Variants in PHKB observed in about 807,000 individuals in gnomAD.
The protein encoded by PHKB is phosphorylase b kinase regulatory subunit beta.
In PHKB, 122 loss-of-function variants were observed where a neutral mutation model predicts 152.1. That is an observed-to-expected ratio of 0.80 (90% CI 0.69 to 0.93). The LOEUF (loss-of-function observed/expected upper bound fraction) is 0.93, where lower values mean the gene tolerates loss of function less well. Among genes scored for constraint, PHKB ranks in the 40% least tolerant of loss-of-function variants. The pLI, the probability that PHKB is intolerant of heterozygous loss-of-function variation, is 0.00. For synonymous variants in PHKB, 436 were observed against 464.9 expected, an observed-to-expected ratio of 0.94 and a Z score of 0.80; for missense variants, 1,304 against 1,328.4, an observed-to-expected ratio of 0.98 and a Z score of 0.29.
At chr16:47,611,041 C>T in intron 14 of PHKB, 121 bp downstream of exon 14, 2 of 714,584 alleles carry the variant, frequency 2.8e-6, no homozygotes, top group South Asian at 3.0e-5. Flanking sequence ...GTTTCTCCCT[C>T]TTCTGGTTAG....
At chr16:47,604,308 A>G (rs559334876) in intron 13 of PHKB, among the ~76,000 whole-genome samples, 1 of 152,262 alleles carries the variant, frequency 6.6e-6, no homozygotes, top group African/African-American at 2.4e-5. Context: ...TCATGAGCAG[A>G]AGTTAAAATC....
intron 13 of PHKB, among the ~76,000 whole-genome samples, chr16:47,605,109 C>T (rs1972299093): frequency 6.6e-6 from 1 of 152,184 alleles, no homozygotes; most frequent in Non-Finnish European, 1.5e-5. Flanking sequence ...ATATTTCTCA[C>T]ATTTACCATT....
intron 6 of PHKB, among the ~76,000 whole-genome samples, chr16:47,532,723 C>T (rs190788776): frequency 6.6e-6 from 1 of 152,348 alleles, no homozygotes; most frequent in Non-Finnish European, 1.5e-5. Context: ...ACCACAGGAC[C>T]CCAAAGAGGG....
chr16:47,541,497 T>C lies in PHKB; in HGVS notation c.595-5936T>C, dbSNP rs1356271053. ...TTTATAGTAGCATGATTTATAATCC[T>C]TTGGGAATATACCCAGTAATGGGAT... On this transcript the variant is annotated intron_variant, in intron 6 of 30. Coordinates refer to ENST00000323584, the MANE Select transcript of PHKB (RefSeq NM_000293.3). Among the ~76,000 whole-genome samples the C allele has an allele frequency of 2.0e-5, 3 of 152,218 alleles. No individual in the cohort carries two copies. In the East Asian group the frequency reaches 5.8e-4, roughly 29 times the overall value.
At chr16:47,575,094 A>G (rs754789303) in intron 7 of PHKB, among the ~76,000 whole-genome samples, 17 of 152,238 alleles carry the variant, frequency 1.1e-4, no homozygotes, top group Non-Finnish European at 1.9e-4. Context: ...GCCAACAAGC[A>G]TGTGAAAAAA....
chr16:47,651,713 TAAATA>T lies in PHKB; in HGVS notation c.1971+794_1971+798del, dbSNP rs1973240773. 1.3e-5 allele frequency among the ~76,000 whole-genome samples: 2 copies of T among 152,226 alleles called. 1 individual carries two copies. The highest frequency in any genetic ancestry group is 1.3e-4 in the Admixed American group (2 of 15,278). Reference sequence around the variant, plus strand: ...CTTTCACATAGTAGGTGCTCAGTATTAAATAAGAAAGAGGAAAGTTTATAAAGAAA... The same window carrying T: ...CTTTCACATAGTAGGTGCTCAGTATTAGAAAGAGGAAAGTTTATAAAGAAA... On this transcript the variant is annotated intron_variant, in intron 20 of 30. Coordinates refer to ENST00000323584, the MANE Select transcript of PHKB (RefSeq NM_000293.3).
At chr16:47,620,827 T>C (rs1251702483) in intron 14 of PHKB, among the ~76,000 whole-genome samples, 1 of 151,982 alleles carries the variant, frequency 6.6e-6, no homozygotes, top group Non-Finnish European at 1.5e-5. Context: ...TGAGCCAAGA[T>C]TGTGCCACTG....
intron 25 of PHKB, among the ~76,000 whole-genome samples, chr16:47,667,289 G>A (rs556107016): frequency 2.0e-3 from 307 of 151,988 alleles, no homozygotes; most frequent in Middle Eastern, 0.017. Context: ...AAAAAAAATA[G>A]TTGGGCCTGG....
chr16:47,473,153 C>T lies in PHKB; in HGVS notation c.76+11727C>T, dbSNP rs544075651. 2.8e-5 allele frequency among the ~76,000 whole-genome samples: 4 copies of T among 144,982 alleles called. No homozygotes were observed. The East Asian group carries it at 8.3e-4, about 30-fold the overall frequency. ...GCACTGTCACAGTTCACTGCAGCCT[C>T]GGTCTCCTGTGCTCAAGCATTCCCT... On this transcript the variant is annotated intron_variant, in intron 1 of 30. Transcript: ENST00000323584.
At chr16:47,673,141 T>A (rs1279704194) in intron 26 of PHKB, among the ~76,000 whole-genome samples, 2 of 152,072 alleles carry the variant, frequency 1.3e-5, no homozygotes, top group East Asian at 3.9e-4. Flanking sequence ...TTTTTTTTTT[T>A]TTATTAAGGA....
chr16:47,517,919 T>G (rs1468818725), intron 6 of PHKB, among the ~76,000 whole-genome samples: 1 of 152,200 alleles, frequency 6.6e-6, no homozygotes, highest in Non-Finnish European at 1.5e-5. Flanking sequence ...TTCCTTGAGA[T>G]TCTGTATAAT....
chr16:47,665,940 A>G, intron 25 of PHKB: 1 of 1,611,100 alleles, frequency 6.2e-7, no homozygotes, highest in African/African-American at 1.3e-5. Flanking sequence ...CTTTGCCCCC[A>G]GGTCGGTTGT....
intron 23 of PHKB, 136 bp downstream of exon 23, chr16:47,661,936 T>C (rs757587551): frequency 6.4e-5 from 46 of 714,098 alleles, no homozygotes; most frequent in Non-Finnish European, 1.1e-4. Flanking sequence ...CACTTTTGAA[T>C]GGAAAATGTT....
chr16:47,502,850 A>G, intron 3 of PHKB, 141 bp from the exon 4 acceptor site: 2 of 668,604 alleles, frequency 3.0e-6, no homozygotes, highest in South Asian at 3.3e-5. Flanking sequence ...TGCTGGGAAA[A>G]TGGAGTTTCA....
intron 14 of PHKB, among the ~76,000 whole-genome samples, chr16:47,623,264 A>G (rs1024634622): frequency 6.6e-6 from 1 of 152,132 alleles, no homozygotes; most frequent in Non-Finnish European, 1.5e-5. Flanking sequence ...TTTATTATAT[A>G]AGTAATATTT....
intron 27 of PHKB, among the ~76,000 whole-genome samples, chr16:47,689,714 G>C (rs1373283573): frequency 6.6e-6 from 1 of 152,182 alleles, no homozygotes; most frequent in South Asian, 2.1e-4. Flanking sequence ...TAAGTATTTA[G>C]GAAAGTATTT....
In PHKB at chr16:47,697,627, T is replaced by C. The variant is rs180970536; in HGVS notation, c.3004-821T>C. On this transcript the variant is annotated intron_variant, in intron 29 of 30. Coordinates refer to ENST00000323584, the MANE Select transcript of PHKB (RefSeq NM_000293.3). Reference sequence around the variant, plus strand: ...CCTTTGGTTCTTTCAGGTTCTGTTTTTGAAGCATCGAGATAAAATACAGTC... The same window carrying C: ...CCTTTGGTTCTTTCAGGTTCTGTTTCTGAAGCATCGAGATAAAATACAGTC... 9.2e-4 allele frequency among the ~76,000 whole-genome samples: 140 copies of C among 152,336 alleles called. 1 individual carries two copies. The highest frequency in any genetic ancestry group is 1.5e-3 in the Non-Finnish European group (103 of 68,032).
At chr16:47,472,553 C>T (rs1281965699) in intron 1 of PHKB, among the ~76,000 whole-genome samples, 14 of 152,184 alleles carry the variant, frequency 9.2e-5, no homozygotes, top group Admixed American at 3.3e-4. Flanking sequence ...GAGGCCGAGA[C>T]GGGCGGATCA....
intron 7 of PHKB, chr16:47,566,360 C>T (rs193146844): frequency 1.3e-4 from 187 of 1,449,390 alleles, no homozygotes; most frequent in Admixed American, 6.9e-4. Context: ...AATGATCATT[C>T]CTGTCTTTAT....
Sources: gnomAD v4.1 joint callset for allele counts (sites outside exome capture counted in the v4.1 genomes callset) on GRCh38, gnomAD v4.1.1 for gene constraint, MANE v1.5 for transcripts, NCBI Gene and HGNC (gene_info 2026-07-23, HGNC 2026-07-21) for gene names.